HS3ST5: variants seen among roughly 807,000 people sequenced by gnomAD.
HS3ST5 encodes heparan sulfate glucosamine 3-O-sulfotransferase 5.
In HS3ST5, 10 loss-of-function variants were observed where a neutral mutation model predicts 25.4. The ratio of observed to expected loss-of-function variants is 0.39; its 90% CI spans 0.24 to 0.67. The LOEUF is 0.67. Ranked by LOEUF, HS3ST5 falls within the 30% of genes least tolerant of loss-of-function variation. The pLI, the probability that HS3ST5 is intolerant of heterozygous loss-of-function variation, is 0.44. For synonymous variants in HS3ST5, 170 were observed against 162.4 expected, an observed-to-expected ratio of 1.05 and a Z score of -0.36; for missense variants, 324 against 420.7, an observed-to-expected ratio of 0.77 and a Z score of 2.01.
At chr6:114,207,876 T>C (rs1446805404) in intron 2 of HS3ST5, among the ~76,000 whole-genome samples, 6 of 152,198 alleles carry the variant, frequency 3.9e-5, no homozygotes. Flanking sequence ...TACTACTCTA[T>C]ATCATACTAT....
At chr6:114,255,949 CTT>C (rs1171106896) in intron 1 of HS3ST5, among the ~76,000 whole-genome samples, 2 of 152,188 alleles carry the variant, frequency 1.3e-5, no homozygotes, top group East Asian at 3.9e-4. Context: ...CTCCTCATTA[CTT>C]ATGCAAATTT....
intron 1 of HS3ST5, among the ~76,000 whole-genome samples, chr6:114,300,524 A>G (rs1267525525): frequency 1.3e-5 from 2 of 152,190 alleles, no homozygotes; most frequent in Non-Finnish European, 2.9e-5. Flanking sequence ...AAGAATGTAG[A>G]GAAATTTGAA....
chr6:114,181,129 G>A (rs1052550062), intron 2 of HS3ST5, among the ~76,000 whole-genome samples: 4 of 152,146 alleles, frequency 2.6e-5, no homozygotes, highest in African/African-American at 9.7e-5. Flanking sequence ...GTTCCTCAGG[G>A]ATTTCTTGAT....
At chr6:114,269,708 C>T (rs774808027) in intron 1 of HS3ST5, among the ~76,000 whole-genome samples, 5 of 152,098 alleles carry the variant, frequency 3.3e-5, no homozygotes, top group Non-Finnish European at 7.4e-5. Context: ...TGCTGTTTGG[C>T]GGCTGCCCAT....
intron 1 of HS3ST5, among the ~76,000 whole-genome samples, chr6:114,266,379 T>C (rs1260589567): frequency 6.6e-6 from 1 of 152,200 alleles, no homozygotes; most frequent in African/African-American, 2.4e-5. Flanking sequence ...AAATTTAAGA[T>C]AAAATTATAT....
intron 3 of HS3ST5, among the ~76,000 whole-genome samples, chr6:114,085,333 G>T (rs1048008367): frequency 5.3e-5 from 8 of 152,060 alleles, no homozygotes; most frequent in African/African-American, 1.7e-4. Flanking sequence ...TAAGGACATG[G>T]TCGTCTGGGA....
At chr6:114,340,759 T>G (rs1194034341) in intron 1 of HS3ST5, 4 of 152,238 alleles carry the variant, frequency 2.6e-5, no homozygotes, top group Non-Finnish European at 5.9e-5. Flanking sequence ...TATTCATATT[T>G]GTAATCCCCT....
chr6:114,264,934 C>T (rs115694873), intron 1 of HS3ST5, among the ~76,000 whole-genome samples: 246 of 152,260 alleles, frequency 1.6e-3, no homozygotes, highest in African/African-American at 5.7e-3. Context: ...GGCTGGAATG[C>T]GGTGACACGA....
chr6:114,277,091 T>G (rs1439787984), intron 1 of HS3ST5, among the ~76,000 whole-genome samples: 2 of 151,936 alleles, frequency 1.3e-5, no homozygotes, highest in Non-Finnish European at 2.9e-5. Flanking sequence ...CAGAGTATTT[T>G]GGGGTTTTTG....
chr6:114,229,519 G>A (rs1323497595), intron 1 of HS3ST5, among the ~76,000 whole-genome samples: 1 of 152,168 alleles, frequency 6.6e-6, no homozygotes, highest in Non-Finnish European at 1.5e-5. Flanking sequence ...AGTTCTCAGA[G>A]AAGGTTCTAT....
intron 3 of HS3ST5, among the ~76,000 whole-genome samples, chr6:114,071,289 T>G (rs942204072): frequency 2.0e-5 from 3 of 152,218 alleles, no homozygotes; most frequent in Non-Finnish European, 4.4e-5. Context: ...TGGCTTATAG[T>G]ATAAATGCTA....
intron 1 of HS3ST5, among the ~76,000 whole-genome samples, chr6:114,336,507 C>T (rs1394409635): frequency 6.6e-6 from 1 of 152,298 alleles, no homozygotes; most frequent in African/African-American, 2.4e-5. Context: ...GCTCAGGAGG[C>T]TGAGGCACGA....
In HS3ST5 at chr6:114,221,479, G is replaced by C. The variant is rs2114490308; in HGVS notation, c.-145+7106C>G. Reference sequence around the variant, plus strand: ...GTTAACATACTCTTACCTGACATTTGAATCTTTTTGAACTAATTAGGCTTT... The same window carrying C: ...GTTAACATACTCTTACCTGACATTTCAATCTTTTTGAACTAATTAGGCTTT... On this transcript the variant is annotated intron_variant, in intron 2 of 4. Transcript: ENST00000312719. Among the ~76,000 whole-genome samples, 4 of 151,524 alleles carry C rather than the reference G, an allele frequency of 2.6e-5. No individual in the cohort carries two copies. The South Asian group carries it at 8.3e-4, about 32-fold the overall frequency.
At chr6:114,202,441 A>G (rs149574183) in intron 2 of HS3ST5, among the ~76,000 whole-genome samples, 1 of 152,220 alleles carries the variant, frequency 6.6e-6, no homozygotes. Context: ...CCATGAAGGC[A>G]GGAATCTTTG....
At chr6:114,217,722 A>G (rs2114471645) in intron 2 of HS3ST5, among the ~76,000 whole-genome samples, 1 of 152,338 alleles carries the variant, frequency 6.6e-6, no homozygotes, top group East Asian at 1.9e-4. Context: ...AGCAAACTGA[A>G]GGTGTCCAAG....
chr6:114,062,369 A>G (rs984890008), intron 4 of HS3ST5, among the ~76,000 whole-genome samples: 1 of 152,296 alleles, frequency 6.6e-6, no homozygotes, highest in Non-Finnish European at 1.5e-5. Context: ...TCCACTCATA[A>G]ATTTCAAAAG....
chr6:114,256,285 G>A (rs1387821226), intron 1 of HS3ST5, among the ~76,000 whole-genome samples: 3 of 151,870 alleles, frequency 2.0e-5, no homozygotes, highest in Non-Finnish European at 4.4e-5. Context: ...CTACCCGGGA[G>A]GCTGAGGCAG....
chr6:114,096,795 A>C (rs1775451850), intron 3 of HS3ST5, among the ~76,000 whole-genome samples: 1 of 151,794 alleles, frequency 6.6e-6, no homozygotes, highest in Non-Finnish European at 1.5e-5. Flanking sequence ...AGGCCTGACT[A>C]TCACAGCAGG....
Position 114,056,123 on chromosome 6 carries a change from T to C in HS3ST5, c.*1134A>G, listed in dbSNP as rs573518953. 1 of 152,216 alleles carries C rather than the reference T, an allele frequency of 6.6e-6. No homozygotes were observed. The highest frequency in any genetic ancestry group is 2.4e-5 in the African/African-American group (1 of 41,462). 9.4% of individuals were successfully genotyped at this position (152,216 alleles called of 1,614,324 possible). Reference sequence around the variant, plus strand: ...GTCTGACTCTGATTAGAGGTTCAAATAAAATGGTGATTCTTCTATGCCTTG... The same window carrying C: ...GTCTGACTCTGATTAGAGGTTCAAACAAAATGGTGATTCTTCTATGCCTTG... On this transcript the variant is annotated 3_prime_UTR_variant, in exon 5 of 5. Transcript: ENST00000312719.
Sources: allele counts gnomAD v4.1 joint callset (sites outside exome capture counted in the v4.1 genomes callset), GRCh38; gene constraint gnomAD v4.1.1; transcripts MANE v1.5; gene names NCBI Gene and HGNC (gene_info 2026-07-23, HGNC 2026-07-21).